Variants in LYN observed in about 807,000 individuals in gnomAD.
LYN encodes the protein tyrosine-protein kinase Lyn.
Under a neutral mutation model 65.0 loss-of-function variants are expected in LYN, and 12 were observed. That is an observed-to-expected ratio of 0.18 (90% confidence interval 0.12 to 0.30). LYN has a LOEUF of 0.30. Ranked by LOEUF, LYN falls within the 10% of genes least tolerant of loss-of-function variation. The pLI, the probability that LYN is intolerant of heterozygous loss-of-function variation, is 1.00. For synonymous variants in LYN, 222 were observed against 221.2 expected (o/e 1.00, Z -0.03); for missense variants, 380 against 623.2 (o/e 0.61, Z 4.16).
intron 10 of LYN, among the ~76,000 whole-genome samples, chr8:55,997,610 A>T (rs1203572168): frequency 1.3e-5 from 2 of 152,084 alleles, no homozygotes; most frequent in Non-Finnish European, 2.9e-5. Flanking sequence ...GCCTCCTAAT[A>T]CTATTGCCTC....
chr8:55,924,012 A>G (rs1173752638), intron 1 of LYN, among the ~76,000 whole-genome samples: 1 of 151,766 alleles, frequency 6.6e-6, no homozygotes, highest in Non-Finnish European at 1.5e-5. Flanking sequence ...TTAGAATCAT[A>G]TTGGACACCC....
intron 1 of LYN, among the ~76,000 whole-genome samples, chr8:55,889,146 G>GT (rs1804883204): frequency 1.3e-5 from 2 of 151,138 alleles, no homozygotes; most frequent in African/African-American, 4.9e-5. Flanking sequence ...GTACTGGGTA[G>GT]CTAGGATTAC....
At chr8:55,927,895 G>T (rs575113953) in intron 1 of LYN, among the ~76,000 whole-genome samples, 1 of 152,192 alleles carries the variant, frequency 6.6e-6, no homozygotes, top group South Asian at 2.1e-4. Context: ...GTTTTTGTGT[G>T]TACATACGTT....
Position 55,977,837 on chromosome 8 carries a change from C to T in LYN, c.1050+8044C>T, listed in dbSNP as rs185891847. Among the ~76,000 whole-genome samples, 7 of 152,034 alleles carry T rather than the reference C, an allele frequency of 4.6e-5. No individual in the cohort carries two copies. The East Asian group carries it at 9.7e-4, about 21-fold the overall frequency. On this transcript the variant is annotated intron_variant, in intron 10 of 12. Coordinates refer to ENST00000519728, the MANE Select transcript of LYN (RefSeq NM_002350.4). ...AGGAGGCTGAGACGAGAGGATTGAT[C>T]GAACCCGGGAAGTTGAGGCTCAAGT... is the stretch of plus-strand genomic sequence containing the variant.
intron 1 of LYN, among the ~76,000 whole-genome samples, chr8:55,890,928 C>A (rs574735566): frequency 3.3e-4 from 50 of 151,938 alleles, no homozygotes; most frequent in Admixed American, 4.6e-4. Flanking sequence ...AAGGTTTTGC[C>A]ATGTTGTCCA....
chr8:55,967,973 C>T (rs1807509688), intron 9 of LYN, among the ~76,000 whole-genome samples: 1 of 152,164 alleles, frequency 6.6e-6, no homozygotes, highest in Admixed American at 6.5e-5. Flanking sequence ...GATGTCATAG[C>T]TGAATAGATT....
Position 55,912,502 on chromosome 8 carries a change from A to G in LYN, c.-5-29353A>G, listed in dbSNP as rs113163883. Among the ~76,000 whole-genome samples the G allele has an allele frequency of 4.7e-3, 722 of 152,326 alleles. 7 individuals carry two copies. Among genetic ancestry groups the G allele is most frequent in the African/African-American group, 0.016 (668 of 41,570 alleles). On this transcript the variant is annotated intron_variant, in intron 1 of 12. Transcript: ENST00000519728. ...CACTTTGGGAGGTCGAGGCAAGCGG[A>G]TCACCTGAGGTCCAGGAGTTCGAGA... is the stretch of plus-strand genomic sequence containing the variant.
At chr8:55,919,912 G>A (rs1805896950) in intron 1 of LYN, among the ~76,000 whole-genome samples, 1 of 150,712 alleles carries the variant, frequency 6.6e-6, no homozygotes, top group Admixed American at 6.6e-5. Context: ...GTTGGGCGGG[G>A]GGAGTGGGGG....
At position 55,936,544 on chromosome 8, in the gene LYN, G is replaced by A. The variant is rs541124747; in HGVS notation, c.-5-5311G>A. On this transcript the variant is annotated intron_variant, in intron 1 of 12. Coordinates refer to ENST00000519728, the MANE Select transcript of LYN (RefSeq NM_002350.4). ...AATCCCAGCTACCTGGGAGGCTGAG[G>A]CAGAAGAATTGCTTGGGCCCGGGAG... Among the ~76,000 whole-genome samples, 3 of 152,298 alleles carry A rather than the reference G, an allele frequency of 2.0e-5. No individual in the cohort carries two copies. The East Asian group carries it at 5.8e-4, about 29-fold the overall frequency.
At position 55,900,968 on chromosome 8, in the gene LYN, C is replaced by T. The variant is rs1334767930; in HGVS notation, c.-6+20865C>T. 5.9e-5 allele frequency among the ~76,000 whole-genome samples: 9 copies of T among 151,788 alleles called. 1 individual carries two copies. The highest frequency in any genetic ancestry group is 2.6e-4 in the Admixed American group (4 of 15,224). The stretch of plus-strand genomic sequence containing the variant: ...AAAGAAGGATAATTGGCAAAGAAGA[C>T]GTGGATTGAGTGAGCCACATAGCCC... On this transcript the variant is annotated intron_variant, in intron 1 of 12. Coordinates refer to ENST00000519728, the MANE Select transcript of LYN (RefSeq NM_002350.4).
At chr8:55,986,149 A>G (rs2130561402) in intron 10 of LYN, among the ~76,000 whole-genome samples, 1 of 151,896 alleles carries the variant, frequency 6.6e-6, no homozygotes, top group South Asian at 2.1e-4. Context: ...GTCCTGGGCA[A>G]CAGAGACCCT....
At chr8:55,943,269 GGAAA>G (rs1454179881) in intron 2 of LYN, among the ~76,000 whole-genome samples, 1 of 152,102 alleles carries the variant, frequency 6.6e-6, no homozygotes, top group Non-Finnish European at 1.5e-5. Context: ...CATTTAAGCT[GGAAA>G]CAGTTTATTC....
chr8:55,894,828 C>T (rs906167083), intron 1 of LYN, among the ~76,000 whole-genome samples: 1 of 151,922 alleles, frequency 6.6e-6, no homozygotes, highest in Admixed American at 6.6e-5. Flanking sequence ...AGCCACCATG[C>T]CTGGCCTGCC....
At chr8:56,005,975 C>T (rs1430404464) in intron 12 of LYN, among the ~76,000 whole-genome samples, 4 of 151,986 alleles carry the variant, frequency 2.6e-5, no homozygotes, top group Admixed American at 2.6e-4. Flanking sequence ...GTCTCAGCAA[C>T]TCAGGAGGCT....
Position 55,889,987 on chromosome 8 carries a change from A to G in LYN, c.-6+9884A>G, listed in dbSNP as rs1292758311. ...GTCATTGGTATTGTTATCAAAAGCAAGTTGCTTAGCTGGGTGAAGTGGCTC... is the reference window on the plus strand; with the variant it reads ...GTCATTGGTATTGTTATCAAAAGCAGGTTGCTTAGCTGGGTGAAGTGGCTC... On this transcript the variant is annotated intron_variant, in intron 1 of 12. Transcript: ENST00000519728. 2.6e-5 allele frequency among the ~76,000 whole-genome samples: 4 copies of G among 152,148 alleles called. No homozygotes were observed. The East Asian group carries it at 7.7e-4, about 29-fold the overall frequency.
intron 1 of LYN, among the ~76,000 whole-genome samples, chr8:55,881,079 A>G (rs1200696937): frequency 6.6e-6 from 1 of 152,182 alleles, no homozygotes; most frequent in Non-Finnish European, 1.5e-5. Context: ...GAGAGAGCAT[A>G]TATACCTCAG....
At chr8:55,924,941 A>C (rs1185025616) in intron 1 of LYN, among the ~76,000 whole-genome samples, 1 of 151,450 alleles carries the variant, frequency 6.6e-6, no homozygotes. Flanking sequence ...TCCCAGGTTC[A>C]AGCGATTTTC....
chr8:55,895,442 C>T (rs1022143675), intron 1 of LYN: 3 of 128,056 alleles, frequency 2.3e-5, no homozygotes, highest in African/African-American at 7.9e-5. Context: ...AGGTTGTGAA[C>T]TTTGGGGTGT....
At chr8:55,941,405 G>A (rs992613026) in intron 1 of LYN, among the ~76,000 whole-genome samples, 7 of 152,310 alleles carry the variant, frequency 4.6e-5, no homozygotes, top group Non-Finnish European at 8.8e-5. Context: ...TGAGCTCATG[G>A]TGGTTGCATA....
Sources: gnomAD v4.1 joint callset for allele counts (sites outside exome capture counted in the v4.1 genomes callset) on GRCh38, gnomAD v4.1.1 for gene constraint, MANE v1.5 for transcripts, NCBI Gene and HGNC (gene_info 2026-07-23, HGNC 2026-07-21) for gene names.